The following ARHGAP28 variants were observed in gnomAD, a reference collection of about 807,000 sequenced individuals.
The protein encoded by ARHGAP28 is rho GTPase-activating protein 28.
Under a neutral mutation model 90.7 loss-of-function variants are expected in ARHGAP28, and 56 were observed. That is an observed-to-expected ratio of 0.62 (90% CI 0.50 to 0.77). The LOEUF (loss-of-function observed/expected upper bound fraction) is 0.77, where lower values mean the gene tolerates loss of function less well. ARHGAP28 is among the 30% of genes least tolerant of loss of function. The pLI is 0.00. For missense variants in ARHGAP28, 869 were observed against 900.9 expected, an observed-to-expected ratio of 0.96 and a Z score of 0.45; for synonymous variants, 308 against 323.3, an observed-to-expected ratio of 0.95 and a Z score of 0.51.
In ARHGAP28 at chr18:6,794,487, G is replaced by A. The variant is rs193262719; in HGVS notation, c.123-30275G>A. Among the ~76,000 whole-genome samples the A allele has an allele frequency of 5.3e-5, 8 of 152,282 alleles. No homozygotes were observed. The East Asian group carries it at 7.7e-4, about 15-fold the overall frequency. ...GGCCTCCCCTGGCAGGTAACAATGC[G>A]CATTACTGCTCTATCCCTCACAGGA... On this transcript the variant is annotated intron_variant, in intron 1 of 17. Transcript: ENST00000383472.
intron 2 of ARHGAP28, among the ~76,000 whole-genome samples, chr18:6,833,614 T>C (rs2056731862): frequency 6.6e-6 from 1 of 152,194 alleles, no homozygotes; most frequent in African/African-American, 2.4e-5. Context: ...TTATACATCT[T>C]TGGCAAGTTG....
chr18:6,819,108 A>G (rs1431356244), intron 1 of ARHGAP28, among the ~76,000 whole-genome samples: 1 of 152,240 alleles, frequency 6.6e-6, no homozygotes, highest in African/African-American at 2.4e-5. Context: ...ATAAAGGCCC[A>G]TAGAGTATTT....
intron 16 of ARHGAP28, among the ~76,000 whole-genome samples, chr18:6,906,492 A>C (rs2057365479): frequency 6.6e-6 from 1 of 152,186 alleles, no homozygotes; most frequent in Admixed American, 6.5e-5. Flanking sequence ...CTATTCCAGC[A>C]ACTGATTTTG....
rs918292999 is a variant in ARHGAP28 at position 6,828,663 on chromosome 18, C to T, written c.325+3699C>T. On this transcript the variant is annotated intron_variant, in intron 2 of 17. Coordinates refer to ENST00000383472, the MANE Select transcript of ARHGAP28 (RefSeq NM_001366230.1). ...TATGGCTGGCCAGTTATCCCAGCAC[C>T]ATTTATTGAATAGGGAGTCTTTTAC... is the stretch of plus-strand genomic sequence containing the variant. Among the ~76,000 whole-genome samples, 18 of 152,252 alleles carry T rather than the reference C, an allele frequency of 1.2e-4. 1 individual carries two copies. Among genetic ancestry groups the T allele is most frequent in the Admixed American group, 7.2e-4 (11 of 15,302 alleles).
intron 14 of ARHGAP28, among the ~76,000 whole-genome samples, chr18:6,891,846 G>A (rs1480543058): frequency 6.6e-6 from 1 of 152,112 alleles, no homozygotes; most frequent in African/African-American, 2.4e-5. Flanking sequence ...TTCCACTTCG[G>A]CCTCCCAAAG....
chr18:6,855,403 T>A (rs1255436875), intron 4 of ARHGAP28, among the ~76,000 whole-genome samples: 2 of 152,110 alleles, frequency 1.3e-5, no homozygotes, highest in Non-Finnish European at 2.9e-5. Context: ...GGACTACCAA[T>A]TGTGGGAAAG....
At chr18:6,911,988 C>A in intron 17 of ARHGAP28, 72 bp from the exon 18 acceptor site, 1 of 942,290 alleles carries the variant, frequency 1.1e-6, no homozygotes, top group Non-Finnish European at 1.6e-6. Context: ...CAAACACACA[C>A]AGACACATAT....
intron 1 of ARHGAP28, among the ~76,000 whole-genome samples, chr18:6,794,999 A>G (rs754523071): frequency 5.9e-5 from 9 of 152,048 alleles, no homozygotes; most frequent in Non-Finnish European, 8.8e-5. Flanking sequence ...TTTAATTGCA[A>G]TTTTTCTTAG....
intron 3 of ARHGAP28, among the ~76,000 whole-genome samples, chr18:6,843,965 G>A (rs145428909): frequency 3.3e-3 from 499 of 152,230 alleles, no homozygotes; most frequent in African/African-American, 0.011. Flanking sequence ...GATACATCAC[G>A]CATGGTTTAC....
chr18:6,885,069 A>G (rs1471611958), intron 11 of ARHGAP28, among the ~76,000 whole-genome samples: 1 of 152,202 alleles, frequency 6.6e-6, no homozygotes, highest in Non-Finnish European at 1.5e-5. Context: ...GAGACCAATT[A>G]TCTTCTGTGT....
intron 5 of ARHGAP28, among the ~76,000 whole-genome samples, chr18:6,865,611 T>C (rs2057032283): frequency 6.6e-6 from 1 of 152,124 alleles, no homozygotes; most frequent in South Asian, 2.1e-4. Flanking sequence ...ATAAACATGT[T>C]TTGAGTCAGT....
chr18:6,882,761 A>G (rs2057188932), intron 11 of ARHGAP28, among the ~76,000 whole-genome samples: 1 of 152,232 alleles, frequency 6.6e-6, no homozygotes, highest in African/African-American at 2.4e-5. Flanking sequence ...GCAGCATGCA[A>G]TAAATACTTC....
chr18:6,796,354 C>G (rs1464514797), intron 1 of ARHGAP28, among the ~76,000 whole-genome samples: 2 of 152,104 alleles, frequency 1.3e-5, no homozygotes, highest in African/African-American at 2.4e-5. Context: ...TCTTCAGCTT[C>G]CCTCACCTGC....
chr18:6,767,485 A>G (rs2056208791), intron 1 of ARHGAP28, among the ~76,000 whole-genome samples: 2 of 151,966 alleles, frequency 1.3e-5, no homozygotes, highest in Admixed American at 1.3e-4. Flanking sequence ...TTTATGTTCT[A>G]GTATTTTTTT....
intron 1 of ARHGAP28, among the ~76,000 whole-genome samples, chr18:6,786,698 C>T (rs1444071012): frequency 6.6e-6 from 1 of 152,096 alleles, no homozygotes; most frequent in African/African-American, 2.4e-5. Context: ...AACAAATTAT[C>T]CTCACAGCAA....
Position 6,912,210 on chromosome 18 carries a change from T to C in ARHGAP28, c.*56T>C. 9.2e-7 allele frequency: 1 copy of C among 1,083,922 alleles called. No homozygotes were observed. Among genetic ancestry groups the C allele is most frequent in the African/African-American group, 1.6e-5 (1 of 63,668 alleles). 67.1% of individuals were successfully genotyped at this position (1,083,922 alleles called of 1,614,324 possible). ...TATATGCCAAAAAGATCCTACATTT[T>C]GGTAGGGAAAAAACAACACTGTGTT... On this transcript the variant is annotated 3_prime_UTR_variant, in exon 18 of 18. Transcript: ENST00000383472.
At chr18:6,744,099 G>A (rs573061747) in intron 1 of ARHGAP28, among the ~76,000 whole-genome samples, 65 of 152,298 alleles carry the variant, frequency 4.3e-4, no homozygotes, top group South Asian at 2.1e-3. Flanking sequence ...TTTAGGGCTC[G>A]GGTTGGTGAG....
intron 16 of ARHGAP28, 49 bp from the exon 17 acceptor site, chr18:6,908,911 C>A: frequency 1.8e-6 from 2 of 1,138,590 alleles, no homozygotes; most frequent in South Asian, 1.3e-5. Flanking sequence ...ATTTTTACCT[C>A]AGATCAGGAA....
intron 1 of ARHGAP28, among the ~76,000 whole-genome samples, chr18:6,739,795 C>T (rs1034272285): frequency 6.7e-6 from 1 of 149,758 alleles, no homozygotes; most frequent in Admixed American, 6.7e-5. Flanking sequence ...AAATATATTT[C>T]TATAGTTAAA....
Sources: gnomAD v4.1 joint callset for allele counts (sites outside exome capture counted in the v4.1 genomes callset) on GRCh38, gnomAD v4.1.1 for gene constraint, MANE v1.5 for transcripts, NCBI Gene and HGNC (gene_info 2026-07-23, HGNC 2026-07-21) for gene names.